Variants in CMTM4 observed in about 807,000 individuals in gnomAD.
The protein encoded by CMTM4 is CKLF like MARVEL transmembrane domain containing 4.
Under a neutral mutation model 19.0 loss-of-function variants are expected in CMTM4, and 8 were observed. The ratio of observed to expected loss-of-function variants is 0.42; its 90% confidence interval spans 0.25 to 0.76. CMTM4 has a LOEUF of 0.76. CMTM4 is among the 30% of genes least tolerant of loss of function. The probability of loss-of-function intolerance (pLI) is 0.27; values close to 1 mark genes in which losing one functional copy is unlikely to be tolerated. For missense variants in CMTM4, 228 were observed against 290.2 expected (o/e 0.79, Z 1.56); for synonymous variants, 106 against 121.1 (o/e 0.88, Z 0.82).
the CMTM4 span, chr16:66,609,707 C>T: frequency 6.5e-7 from 1 of 1,549,686 alleles, no homozygotes; most frequent in Non-Finnish European, 8.7e-7. This position sits in a 1 kb window ranked among gnomAD's most constrained non-coding sequence, Gnocchi z 4.4. Flanking sequence ...TTTTGAAAGG[C>T]TGTTTGTCAA....
intron 1 of CMTM4, among the ~76,000 whole-genome samples, chr16:66,683,827 C>T (rs529937332): frequency 1.0e-3 from 157 of 151,890 alleles, no homozygotes; most frequent in African/African-American, 3.6e-3. Context: ...TAGGGAAGGT[C>T]TCTTTTGAGC....
intron 1 of CMTM4, among the ~76,000 whole-genome samples, chr16:66,665,975 G>C (rs989967729): frequency 2.0e-5 from 3 of 152,076 alleles, no homozygotes; most frequent in African/African-American, 7.2e-5. Flanking sequence ...GGGAGGCTCA[G>C]GCAGGAGAAT....
rs1396415076 is a variant in CMTM4 at position 66,696,483 on chromosome 16, A to G, written c.43T>C (p.Ser15Pro). ...GCGCCCGAGATCATGGAGGTGCTCG[A>G]GGCCTCGCCCTCGAAGCCGTCCAGC... ...EELDGFEGEA[S>P]STSMISGASS... is the part of the protein sequence containing the mutation. The change falls in exon 1 of 4, where the codon TCG becomes CCG. Residue 15 changes from serine (S) to proline (P), a missense_variant. By Grantham distance (74) the Ser-to-Pro change is moderately conservative. This residue lies in a region of CMTM4 where 21 missense variants were observed against 43.1 expected (regional missense o/e 0.49). Coordinates refer to ENST00000394106, the MANE Select transcript of CMTM4 (RefSeq NM_181521.3). The surrounding 1 kb of genome is among the most constrained non-coding windows in gnomAD (Gnocchi z 4.3). The G allele has an allele frequency of 3.4e-5, 43 of 1,267,406 alleles. No individual in the cohort carries two copies. Among genetic ancestry groups the G allele is most frequent in the Non-Finnish European group, 4.2e-5 (42 of 1,004,464 alleles). The allele number at this position is 1,267,406 out of a possible 1,614,324, so 78.5% of individuals were successfully genotyped here. A position where few individuals can be genotyped will look rare whatever the true frequency, so the allele number is the denominator to read the frequency against.
intron 2 of CMTM4, 79 bp from the exon 3 acceptor site, chr16:66,623,581 A>G: frequency 4.9e-6 from 5 of 1,021,400 alleles, no homozygotes; most frequent in Non-Finnish European, 7.2e-6. Flanking sequence ...AACTTTCAAA[A>G]TAAGACCCAC....
At position 66,620,156 on chromosome 16, in the gene CMTM4, A is replaced by C. The variant is rs887887126; in HGVS notation, c.*1902T>G. On this transcript the variant is annotated 3_prime_UTR_variant, in exon 4 of 4. Coordinates refer to ENST00000394106, the MANE Select transcript of CMTM4 (RefSeq NM_181521.3). ...CAGCAGGAGATTTCTGATAAAGCTC[A>C]GGATGGTCCTTCCAAGTGGGCCCCA... The C allele has an allele frequency of 3.0e-6, 3 of 985,364 alleles. No individual in the cohort carries two copies. Among genetic ancestry groups the C allele is most frequent in the Non-Finnish European group, 3.6e-6 (3 of 829,942 alleles). 61.0% of individuals were successfully genotyped at this position (985,364 alleles called of 1,614,324 possible). A position where few individuals can be genotyped will look rare whatever the true frequency, so the allele number is the denominator to read the frequency against.
intron 2 of CMTM4, among the ~76,000 whole-genome samples, chr16:66,629,296 A>G (rs548213363): frequency 5.2e-4 from 79 of 152,292 alleles, no homozygotes; most frequent in African/African-American, 1.9e-3. Flanking sequence ...CACTCGACCC[A>G]TCCTTTGCAC....
At chr16:66,605,151 G>A in the CMTM4 span, 1 of 472,014 alleles carries the variant, frequency 2.1e-6, no homozygotes, top group Non-Finnish European at 3.6e-6. This position sits in a 1 kb window ranked among gnomAD's most constrained non-coding sequence, Gnocchi z 4.6. Context: ...GGCGGGGCCC[G>A]AGCCCAGGCC....
intron 1 of CMTM4, among the ~76,000 whole-genome samples, chr16:66,657,654 T>C (rs965351920): frequency 1.3e-5 from 2 of 152,228 alleles, no homozygotes; most frequent in Admixed American, 6.5e-5. Flanking sequence ...TTGCAATCTT[T>C]CAGTCTGTAA....
the CMTM4 span, among the ~76,000 whole-genome samples, chr16:66,601,179 G>T: frequency 6.6e-6 from 1 of 152,072 alleles, no homozygotes; most frequent in South Asian, 2.1e-4. Context: ...GATCTTTGGG[G>T]TGTTAATTTT....
chr16:66,603,536 C>T, the CMTM4 span, among the ~76,000 whole-genome samples: 8 of 152,208 alleles, frequency 5.3e-5, no homozygotes, highest in Admixed American at 5.2e-4. Flanking sequence ...ATCCACCCAC[C>T]TCAGCCTCCC....
intron 1 of CMTM4, among the ~76,000 whole-genome samples, chr16:66,657,719 C>T (rs952663707): frequency 2.0e-5 from 3 of 152,116 alleles, no homozygotes; most frequent in African/African-American, 7.2e-5. Context: ...TAAAAATCCA[C>T]GAGTTTGGAG....
intron 2 of CMTM4, among the ~76,000 whole-genome samples, chr16:66,635,992 T>C (rs571936716): frequency 1.2e-4 from 19 of 152,348 alleles, no homozygotes; most frequent in African/African-American, 4.3e-4. Context: ...TCCTAGGCTC[T>C]GTAAGTTACT....
chr16:66,618,098 CAAACCTGGAAA>C lies in CMTM4; in HGVS notation c.*3949_*3959del. 1.0e-6 allele frequency: 1 copy of C among 985,300 alleles called. No individual in the cohort carries two copies. Among genetic ancestry groups the C allele is most frequent in the Non-Finnish European group, 1.2e-6 (1 of 829,968 alleles). The allele number at this position is 985,300 out of a possible 1,614,324, so 61.0% of individuals were successfully genotyped here. A position where few individuals can be genotyped will look rare whatever the true frequency, so the allele number is the denominator to read the frequency against. On this transcript the variant is annotated 3_prime_UTR_variant, in exon 4 of 4. Coordinates refer to ENST00000394106, the MANE Select transcript of CMTM4 (RefSeq NM_181521.3). ...GGACGTGGGTGCTGATAAAATAAGACAAACCTGGAAAAAACCCTGGATTCTGCAACTTCACT... is the reference window on the plus strand; with the variant it reads ...GGACGTGGGTGCTGATAAAATAAGACAAACCCTGGATTCTGCAACTTCACT...
chr16:66,655,287 T>TA (rs2144848515), intron 1 of CMTM4, among the ~76,000 whole-genome samples: 1 of 152,266 alleles, frequency 6.6e-6, no homozygotes, highest in Non-Finnish European at 1.5e-5. Context: ...ATTTCTTTTT[T>TA]AAAAATAGCT....
chr16:66,611,552 A>G (rs1053403906), downstream of CMTM4, among the ~76,000 whole-genome samples: 1 of 152,038 alleles, frequency 6.6e-6, no homozygotes, highest in Non-Finnish European at 1.5e-5. Context: ...GGCTGCCCAC[A>G]CCCCAGCCCT....
intron 2 of CMTM4, among the ~76,000 whole-genome samples, chr16:66,626,583 G>T (rs555902376): frequency 6.6e-6 from 1 of 152,230 alleles, no homozygotes; most frequent in South Asian, 2.1e-4. Flanking sequence ...TCCAGCCTGG[G>T]CGACAGAGTG....
intron 2 of CMTM4, among the ~76,000 whole-genome samples, chr16:66,635,982 T>C (rs1035585122): frequency 1.3e-5 from 2 of 152,164 alleles, no homozygotes; most frequent in African/African-American, 4.8e-5. Flanking sequence ...TTAATAATAT[T>C]CCTAGGCTCT....
chr16:66,623,490 T>C lies in CMTM4; in HGVS notation c.376A>G (p.Thr126Ala). The change falls in exon 3 of 4, where the codon ACT becomes GCT. Residue 126 changes from threonine to alanine, a missense_variant. Thr to Ala is a moderately conservative substitution (Grantham distance 58). Transcript: ENST00000394106. ...AAGAAAAGGAAAGCGCTGAGTCCAG[T>C]GTTGACCAAATCCTAAAGGGAGAGA... is the stretch of plus-strand genomic sequence containing the variant. Reference protein sequence around the residue: ...INWNLTDLVNTGLSAFLFFIA... With the variant: ...INWNLTDLVNAGLSAFLFFIA... The C allele has an allele frequency of 6.2e-7, 1 of 1,611,236 alleles. No homozygotes were observed. The highest frequency in any genetic ancestry group is 8.5e-7 in the Non-Finnish European group (1 of 1,178,614).
intron 1 of CMTM4, among the ~76,000 whole-genome samples, chr16:66,692,076 G>T (rs1005084393): frequency 1.3e-5 from 2 of 151,908 alleles, no homozygotes; most frequent in Admixed American, 6.6e-5. Flanking sequence ...CTGGTTGCTA[G>T]CACCTGTGTG....
Sources: gnomAD v4.1 joint callset for allele counts (sites outside exome capture counted in the v4.1 genomes callset) on GRCh38, gnomAD v4.1.1 for gene constraint, gnomAD v4.1.1 regional missense constraint, Gnocchi (gnomAD v3.1) non-coding constraint, MANE v1.5 for transcripts, NCBI Gene and HGNC (gene_info 2026-07-23, HGNC 2026-07-21) for gene names.